The following CLCN4 variants were observed in gnomAD, a reference collection of about 807,000 sequenced individuals.
CLCN4 encodes Cl-/H+ antiporter 4, also known as H(+)/Cl(-) exchange transporter 4.
A neutral mutation model predicts 41.7 loss-of-function variants in CLCN4; 1 was observed. That is an observed-to-expected ratio of 0.02 (90% CI 0.01 to 0.11). The LOEUF (loss-of-function observed/expected upper bound fraction) is 0.11. Ranked by LOEUF, CLCN4 falls within the 10% of genes least tolerant of loss-of-function variation. The probability of loss-of-function intolerance (pLI) is 1.00; values close to 1 mark genes in which losing one functional copy is unlikely to be tolerated. For missense variants in CLCN4, 287 were observed against 661.0 expected, an observed-to-expected ratio of 0.43 and a Z score of 6.20; for synonymous variants, 277 against 285.8, an observed-to-expected ratio of 0.97 and a Z score of 0.31.
At chrX:10,205,014 G>A (rs1023342752) in intron 6 of CLCN4, among the ~76,000 whole-genome samples, 3 of 111,051 alleles carry the variant, frequency 2.7e-5, no homozygotes, top group African/African-American at 9.8e-5. Context: ...GCCTGGGCTG[G>A]GGGGTTAGCT....
chrX:10,193,012 G>A (rs186720224), intron 4 of CLCN4, among the ~76,000 whole-genome samples: 7 of 112,029 alleles, frequency 6.2e-5, no homozygotes, highest in Admixed American at 9.4e-5. Context: ...GTTCGGTGTC[G>A]GATGGTGGTG....
In CLCN4 at chrX:10,208,333, G is replaced by A. The variant is rs780964281; in HGVS notation, c.1132G>A (p.Ala378Thr). Residue 378 changes from alanine (A) to threonine (T), a missense_variant, in exon 9 of 13, where the codon GCC becomes ACC. Coordinates refer to ENST00000380833, the MANE Select transcript of CLCN4 (RefSeq NM_001830.4). ...GGTGCTGGAGGTCATTGTGGTGACTGCCATCACTGCCATCATTGCCTACCC... is the reference window on the plus strand; with the variant it reads ...GGTGCTGGAGGTCATTGTGGTGACTACCATCACTGCCATCATTGCCTACCC... ...YPVLEVIVVT[A>T]ITAIIAYPNP... The A allele has an allele frequency of 1.2e-5, 14 of 1,210,652 alleles. No individual in the cohort carries two copies. The South Asian group carries it at 2.3e-4, about 20-fold the overall frequency.
chrX:10,209,289 C>CTCCCTTCCT (rs1555976505), intron 9 of CLCN4, among the ~76,000 whole-genome samples: 11 of 91,181 alleles, frequency 1.2e-4, no homozygotes, highest in African/African-American at 4.4e-4. Flanking sequence ...CCCTCCCTCC[C>CTCCCTTCCT]TCCCTTCCTT....
At chrX:10,185,204 G>A (rs1242076603) in intron 3 of CLCN4, 28 bp downstream of exon 3, 2 of 1,179,199 alleles carry the variant, frequency 1.7e-6, no homozygotes, top group African/African-American at 1.8e-5. Context: ...AGGACACACT[G>A]CAAATGGCTA....
intron 2 of CLCN4, among the ~76,000 whole-genome samples, chrX:10,169,770 TTTTTCTTTTTC>T (rs1234929681): frequency 1.7e-4 from 15 of 90,283 alleles, no homozygotes; most frequent in Admixed American, 3.5e-4. Context: ...TGATTCTTTT[TTTTTCTTTTTC>T]TTTTCTTTTC....
intron 2 of CLCN4, among the ~76,000 whole-genome samples, chrX:10,164,349 G>T (rs779180565): frequency 1.8e-5 from 2 of 111,749 alleles, no homozygotes; most frequent in South Asian, 7.5e-4. Context: ...TAGGGGTGGG[G>T]ACAGGTGCTC....
intron 6 of CLCN4, among the ~76,000 whole-genome samples, chrX:10,204,068 G>A (rs916308192): frequency 5.4e-5 from 6 of 111,680 alleles, no homozygotes; most frequent in African/African-American, 1.6e-4. Flanking sequence ...TTGGGGGACG[G>A]GTTGGAGGTA....
At chrX:10,168,119 G>A (rs1294722000) in intron 2 of CLCN4, among the ~76,000 whole-genome samples, 2 of 112,099 alleles carry the variant, frequency 1.8e-5, no homozygotes, top group African/African-American at 6.5e-5. Context: ...GGATGAGTTT[G>A]GATATATAGA....
intron 2 of CLCN4, among the ~76,000 whole-genome samples, chrX:10,161,533 G>A (rs141705881): frequency 0.013 from 1,453 of 112,090 alleles, 26 homozygotes; most frequent in African/African-American, 0.044. Context: ...GATTGGATTC[G>A]GCCCAAACAA....
chrX:10,223,438 G>A (rs748926667), intron 12 of CLCN4, among the ~76,000 whole-genome samples: 17 of 111,682 alleles, frequency 1.5e-4, no homozygotes, highest in African/African-American at 4.9e-4. Context: ...ACTCTCTCTC[G>A]CTCTACATCT....
At chrX:10,165,581 T>C (rs957750599) in intron 2 of CLCN4, among the ~76,000 whole-genome samples, 52 of 112,270 alleles carry the variant, frequency 4.6e-4, no homozygotes, top group African/African-American at 1.6e-3. Flanking sequence ...GGCTCCTCTC[T>C]GTGGCTGCCG....
Position 10,233,602 on chromosome X carries a change from T to C in CLCN4, c.*18T>C. ...TTAATTAGCAACAAGGTGGCAATTA[T>C]TTTCAGAAAAACACTGACTGTGTCA... On this transcript the variant is annotated 3_prime_UTR_variant, in exon 13 of 13. Coordinates refer to ENST00000380833, the MANE Select transcript of CLCN4 (RefSeq NM_001830.4). The C allele has an allele frequency of 8.9e-7, 1 of 1,118,234 alleles. No homozygotes were observed. The highest frequency in any genetic ancestry group is 1.2e-6 in the Non-Finnish European group (1 of 810,796). The allele number at this position is 1,118,234 out of a possible 1,213,427, so 92.2% of individuals were successfully genotyped here. A position where few individuals can be genotyped will look rare whatever the true frequency, so the allele number is the denominator to read the frequency against.
intron 2 of CLCN4, among the ~76,000 whole-genome samples, chrX:10,159,039 T>C (rs927281482): frequency 2.7e-5 from 3 of 112,880 alleles, no homozygotes; most frequent in Non-Finnish European, 5.6e-5. Context: ...TGGAAACTTC[T>C]TGGTTAGCAA....
At position 10,205,269 on chromosome X, in the gene CLCN4, G is replaced by T. The variant is rs5979275; in HGVS notation, c.556-1089G>T. ...CGGGCGGATCACAAGATCAGGAGAT[G>T]GAGTCCATCCTGGCTAACAGGGTGA... On this transcript the variant is annotated intron_variant, in intron 6 of 12. Transcript: ENST00000380833. Among the ~76,000 whole-genome samples, 12 of 110,314 alleles carry T rather than the reference G, an allele frequency of 1.1e-4. No homozygotes were observed. In the East Asian group the frequency reaches 2.9e-3, roughly 26 times the overall value.
chrX:10,204,613 CTTTTTTTTTTTTTTT>C (rs61453535), intron 6 of CLCN4, among the ~76,000 whole-genome samples: 69 of 27,342 alleles, frequency 2.5e-3, no homozygotes, highest in South Asian at 0.022. Flanking sequence ...AGCTAGTAGT[CTTTTTTTTTTTTTTT>C]TTTTTTTTTT....
At chrX:10,187,485 G>A (rs1318398041) in intron 3 of CLCN4, 30 bp from the exon 4 acceptor site, 1 of 1,062,700 alleles carries the variant, frequency 9.4e-7, no homozygotes, top group Non-Finnish European at 1.3e-6. Context: ...AAATGCATTC[G>A]GATCAGTTGC....
chrX:10,190,520 A>G (rs943221885), intron 4 of CLCN4, among the ~76,000 whole-genome samples: 3 of 111,711 alleles, frequency 2.7e-5, no homozygotes, highest in African/African-American at 9.8e-5. Flanking sequence ...GAAAGACCTC[A>G]TGAAATACTA....
rs1965980757 is a variant in CLCN4 at position 10,233,632 on chromosome X, A to G, written c.*48A>G. 3 of 936,223 alleles carry G rather than the reference A, an allele frequency of 3.2e-6. No individual in the cohort carries two copies. In the African/African-American group the frequency reaches 5.8e-5, roughly 18 times the overall value. The allele number at this position is 936,223 out of a possible 1,213,427, so 77.2% of individuals were successfully genotyped here. ...AGAAAAACACTGACTGTGTCATTTA[A>G]AAAGAAATAAATGATATGTTATTAT... On this transcript the variant is annotated 3_prime_UTR_variant, in exon 13 of 13. Transcript: ENST00000380833.
At chrX:10,199,429 T>G (rs1439049018) in intron 6 of CLCN4, among the ~76,000 whole-genome samples, 2 of 112,385 alleles carry the variant, frequency 1.8e-5, no homozygotes, top group Non-Finnish European at 3.8e-5. Flanking sequence ...AGTTTGCTTG[T>G]GGAAGTGGGT....
Sources: allele counts gnomAD v4.1 joint callset (sites outside exome capture counted in the v4.1 genomes callset), GRCh38; gene constraint gnomAD v4.1.1; transcripts MANE v1.5; gene names NCBI Gene and HGNC (gene_info 2026-07-23, HGNC 2026-07-21).